STK10: variants seen among roughly 807,000 people sequenced by gnomAD.
STK10 encodes the protein serine/threonine kinase 10.
Under a neutral mutation model 113.8 loss-of-function variants are expected in STK10, and 78 were observed. That is an observed-to-expected ratio of 0.69 (90% CI 0.57 to 0.83). STK10 has a LOEUF of 0.83. Among genes scored for constraint, STK10 ranks in the 40% least tolerant of loss-of-function variants. The pLI, the probability that STK10 is intolerant of heterozygous loss-of-function variation, is 0.00. For synonymous variants in STK10, 465 were observed against 494.7 expected, an observed-to-expected ratio of 0.94 and a Z score of 0.80; for missense variants, 1,109 against 1,280.1, an observed-to-expected ratio of 0.87 and a Z score of 2.04.
At chr5:172,130,938 C>T (rs1769742025) in intron 2 of STK10, among the ~76,000 whole-genome samples, 1 of 94,452 alleles carries the variant, frequency 1.1e-5, no homozygotes, top group Admixed American at 1.0e-4. Context: ...CTAGGGAAAA[C>T]AAAACAAAAC....
In STK10 at chr5:172,179,732, G is replaced by A. The variant is rs140569402; in HGVS notation, c.156+8155C>T. ...TGGGTTTAAAAATACTTGGCTGAGCGGAAACAAGGTTACTGCCTGGGGCCA... is the reference window on the plus strand; with the variant it reads ...TGGGTTTAAAAATACTTGGCTGAGCAGAAACAAGGTTACTGCCTGGGGCCA... On this transcript the variant is annotated intron_variant, in intron 1 of 18. Coordinates refer to ENST00000176763, the MANE Select transcript of STK10 (RefSeq NM_005990.4). 1.4e-3 allele frequency among the ~76,000 whole-genome samples: 208 copies of A among 152,302 alleles called. 2 individuals carry two copies. Among genetic ancestry groups the A allele is most frequent in the Non-Finnish European group, 9.6e-4 (65 of 68,036 alleles).
At chr5:172,169,453 G>A (rs1402071741) in intron 1 of STK10, among the ~76,000 whole-genome samples, 1 of 152,106 alleles carries the variant, frequency 6.6e-6, no homozygotes, top group Non-Finnish European at 1.5e-5. Flanking sequence ...TGAGTTAAGT[G>A]GGATGGTGAA....
At chr5:172,048,553 C>T (rs1367866642) in intron 18 of STK10, among the ~76,000 whole-genome samples, 2 of 152,104 alleles carry the variant, frequency 1.3e-5, no homozygotes, top group Non-Finnish European at 2.9e-5. Context: ...TGGTGACCAG[C>T]AAGAACGTCT....
intron 10 of STK10, among the ~76,000 whole-genome samples, chr5:172,085,152 G>A (rs1248863372): frequency 5.3e-5 from 8 of 152,006 alleles, no homozygotes; most frequent in African/African-American, 4.8e-5. Flanking sequence ...GGCTGAGGCC[G>A]GAAGATTGCT....
chr5:172,058,733 T>C (rs1012084494), intron 14 of STK10, among the ~76,000 whole-genome samples: 6 of 151,714 alleles, frequency 4.0e-5, no homozygotes, highest in Non-Finnish European at 5.9e-5. Flanking sequence ...CTACTAAAAA[T>C]ATAAAAATCA....
At chr5:172,163,618 C>T (rs1770510724) in intron 1 of STK10, among the ~76,000 whole-genome samples, 1 of 152,174 alleles carries the variant, frequency 6.6e-6, no homozygotes, top group Admixed American at 6.6e-5. Context: ...CTCCTGACTC[C>T]CGGCCTAGTG....
At chr5:172,125,679 C>A (rs1769604714) in intron 3 of STK10, among the ~76,000 whole-genome samples, 1 of 152,178 alleles carries the variant, frequency 6.6e-6, no homozygotes, top group Admixed American at 6.5e-5. Flanking sequence ...GCCACCACAC[C>A]CAGCCAATCT....
At chr5:172,161,770 G>A (rs1581185985) in intron 1 of STK10, among the ~76,000 whole-genome samples, 1 of 152,098 alleles carries the variant, frequency 6.6e-6, no homozygotes, top group African/African-American at 2.4e-5. Context: ...TGAGGAGACC[G>A]ATCCGAGGCA....
chr5:172,055,827 A>G, intron 15 of STK10, 51 bp from the exon 16 acceptor site: 1 of 1,376,516 alleles, frequency 7.3e-7, no homozygotes, highest in Admixed American at 2.9e-5. Flanking sequence ...CTGGACTCAG[A>G]GCGTGGTCAC....
intron 18 of STK10, among the ~76,000 whole-genome samples, chr5:172,049,641 G>A (rs374505521): frequency 6.6e-6 from 1 of 152,186 alleles, no homozygotes; most frequent in Admixed American, 6.5e-5. Flanking sequence ...GCAAGCTCTA[G>A]TTTCCTGCTA....
At position 172,156,710 on chromosome 5, in the gene STK10, T is replaced by C. The variant is rs753130733; in HGVS notation, c.235A>G (p.Ile79Val). 1.2e-5 allele frequency: 19 copies of C among 1,614,064 alleles called. No homozygotes were observed. In the African/African-American group the frequency reaches 1.6e-4, roughly 14 times the overall value. ...TKSEEELEDYIVEIEILATCD... is the reference protein window; with the variant it reads ...TKSEEELEDYVVEIEILATCD... ...GTGGCCAGGATCTCAATCTCCACGA[T>C]GTAGTCCTCCAGCTCCTCCTCACTC... The change falls in exon 2 of 19, where the codon ATC becomes GTC. Residue 79 changes from isoleucine to valine, a missense_variant. This residue lies in a region of STK10 where 120 missense variants were observed against 134.8 expected (regional missense o/e 0.89). Coordinates refer to ENST00000176763, the MANE Select transcript of STK10 (RefSeq NM_005990.4).
At chr5:172,100,673 G>C (rs749657972) in intron 7 of STK10, among the ~76,000 whole-genome samples, 1 of 152,030 alleles carries the variant, frequency 6.6e-6, no homozygotes, top group Non-Finnish European at 1.5e-5. Context: ...TGTAATCCCA[G>C]CTACTCGGGA....
intron 2 of STK10, among the ~76,000 whole-genome samples, chr5:172,155,722 T>C (rs1012136917): frequency 3.5e-4 from 53 of 150,416 alleles, no homozygotes; most frequent in Admixed American, 2.3e-3. Context: ...GGACTGGGCA[T>C]GGTGGCTAAC....
chr5:172,085,651 T>C (rs537977367), intron 10 of STK10, among the ~76,000 whole-genome samples: 1 of 147,694 alleles, frequency 6.8e-6, no homozygotes, highest in Admixed American at 6.8e-5. Flanking sequence ...ATCACACCAC[T>C]GCACTCCAGC....
At chr5:172,155,804 G>T (rs1310194743) in intron 2 of STK10, among the ~76,000 whole-genome samples, 2 of 152,040 alleles carry the variant, frequency 1.3e-5, no homozygotes, top group African/African-American at 4.8e-5. Flanking sequence ...AGACCAGCCT[G>T]GCCAACACGG....
intron 2 of STK10, among the ~76,000 whole-genome samples, chr5:172,148,689 G>A (rs1033755554): frequency 3.3e-5 from 5 of 152,204 alleles, no homozygotes; most frequent in African/African-American, 1.2e-4. Flanking sequence ...GTGGAAGGGT[G>A]GGGGTCACAG....
At position 172,180,273 on chromosome 5, in the gene STK10, G is replaced by C. The variant is rs367579536; in HGVS notation, c.156+7614C>G. On this transcript the variant is annotated intron_variant, in intron 1 of 18. Coordinates refer to ENST00000176763, the MANE Select transcript of STK10 (RefSeq NM_005990.4). Reference sequence around the variant, plus strand: ...GAAGTCAGGAGTTCAAGACCAGCCTGGCCAACATGGCAAAATCTCGTCTCT... The same window carrying C: ...GAAGTCAGGAGTTCAAGACCAGCCTCGCCAACATGGCAAAATCTCGTCTCT... Among the ~76,000 whole-genome samples, 79 of 151,972 alleles carry C rather than the reference G, an allele frequency of 5.2e-4. 2 individuals are homozygous for C. In the East Asian group the frequency reaches 0.012, roughly 24 times the overall value.
At chr5:172,135,870 T>C (rs1423254971) in intron 2 of STK10, among the ~76,000 whole-genome samples, 3 of 151,736 alleles carry the variant, frequency 2.0e-5, no homozygotes, top group Admixed American at 1.3e-4. Context: ...CTACTAAAAA[T>C]ACAAAAATTT....
intron 18 of STK10, among the ~76,000 whole-genome samples, chr5:172,049,809 T>C (rs1057191204): frequency 4.6e-5 from 7 of 152,186 alleles, no homozygotes; most frequent in African/African-American, 1.7e-4. Context: ...TTTATTTTTA[T>C]TTTTATTTTT....
Sources: gnomAD v4.1 joint callset for allele counts (sites outside exome capture counted in the v4.1 genomes callset) on GRCh38, gnomAD v4.1.1 for gene constraint, gnomAD v4.1.1 regional missense constraint, MANE v1.5 for transcripts, NCBI Gene and HGNC (gene_info 2026-07-23, HGNC 2026-07-21) for gene names.